Variants in TGM4 observed in about 807,000 individuals in gnomAD.
TGM4 encodes protein-glutamine gamma-glutamyltransferase 4.
In TGM4, 61 loss-of-function variants were observed where a neutral mutation model predicts 76.3. The observed-to-expected ratio is 0.80, with a 90% confidence interval of 0.65 to 0.99. The LOEUF (loss-of-function observed/expected upper bound fraction) is 0.99, where lower values mean the gene tolerates loss of function less well. TGM4 is among the 50% of genes least tolerant of loss of function. The pLI, the probability that TGM4 is intolerant of heterozygous loss-of-function variation, is 0.00. For synonymous variants in TGM4, 337 were observed against 329.8 expected (o/e 1.02, Z -0.24); for missense variants, 794 against 843.2 (o/e 0.94, Z 0.72).
chr3:44,910,012 C>T, intron 10 of TGM4, 78 bp from the exon 11 acceptor site: 1 of 1,538,318 alleles, frequency 6.5e-7, no homozygotes, highest in Non-Finnish European at 8.8e-7. Flanking sequence ...CAGATGGTCT[C>T]CTTCTGCCAC....
intron 1 of TGM4, among the ~76,000 whole-genome samples, chr3:44,881,172 C>T (rs1047910121): frequency 1.3e-5 from 2 of 152,018 alleles, no homozygotes; most frequent in East Asian, 3.9e-4. Context: ...CCACGGCACT[C>T]CAGCCTGGGT....
At chr3:44,876,961 T>C (rs1031274474) in intron 1 of TGM4, among the ~76,000 whole-genome samples, 1 of 152,078 alleles carries the variant, frequency 6.6e-6, no homozygotes, top group African/African-American at 2.4e-5. Context: ...AATTGTAATA[T>C]ATGAAAAGAT....
Position 44,901,930 on chromosome 3 carries a change from TG to T in TGM4, c.971+1del. 1 of 1,613,866 alleles carries T rather than the reference TG, an allele frequency of 6.2e-7. No individual in the cohort carries two copies. ...CACCAGTATGACCCACGACTCTGTC[TG>T]GTAGGGTTCCTCCTTCTCAACCTGC... ...KITSMTHDSVWNFHVWTDAWM... is the reference protein window; with the variant it reads ...KITSMTHDSVXNFHVWTDAWM... On this transcript the variant is annotated frameshift_variant and splice_region_variant, in exon 8 of 14. Coordinates refer to ENST00000296125, the MANE Select transcript of TGM4 (RefSeq NM_003241.4). LOFTEE classifies it high-confidence loss of function.
rs990318302 is a variant in TGM4 at position 44,896,958 on chromosome 3, A to C, written c.657+142A>C. On this transcript the variant is annotated intron_variant, in intron 6 of 13. Coordinates refer to ENST00000296125, the MANE Select transcript of TGM4 (RefSeq NM_003241.4). ...ATCAATTGTTCAAAACTATTAAGAA[A>C]TAGACATTGCTGAAATCTGTTCTGA... 39 of 590,280 alleles carry C rather than the reference A, an allele frequency of 6.6e-5. 1 individual carries two copies. Among genetic ancestry groups the C allele is most frequent in the African/African-American group, 6.5e-4 (35 of 54,136 alleles). 36.6% of individuals were successfully genotyped at this position (590,280 alleles called of 1,614,324 possible). A position where few individuals can be genotyped will look rare whatever the true frequency, so the allele number is the denominator to read the frequency against.
chr3:44,876,581 T>C (rs1283173025), intron 1 of TGM4: 2 of 152,178 alleles, frequency 1.3e-5, no homozygotes, highest in East Asian at 3.9e-4. Flanking sequence ...CAGATATCTA[T>C]CTCATGGCTT....
At chr3:44,911,427 C>G in intron 13 of TGM4, 21 bp downstream of exon 13, 1 of 1,613,024 alleles carries the variant, frequency 6.2e-7, no homozygotes, top group African/African-American at 1.3e-5. Context: ...CTGAGGTATT[C>G]TTAGAAATAT....
chr3:44,888,319 C>A (rs1360985463), intron 3 of TGM4: 2 of 156,686 alleles, frequency 1.3e-5, no homozygotes, highest in Non-Finnish European at 2.8e-5. Flanking sequence ...TGTAAAGAAC[C>A]ATGTCTCGGC....
chr3:44,909,682 C>G (rs4683010), intron 10 of TGM4, among the ~76,000 whole-genome samples: 85,254 of 151,976 alleles, frequency 0.56, 24,808 homozygotes, highest in East Asian at 0.89. Context: ...TGAGTCTACT[C>G]TGGAGCTGGA....
chr3:44,878,093 G>A (rs1223725919), intron 1 of TGM4, among the ~76,000 whole-genome samples: 3 of 152,072 alleles, frequency 2.0e-5, no homozygotes, highest in African/African-American at 7.3e-5. Flanking sequence ...CGAGGCTGCA[G>A]TGAGCTGTGA....
chr3:44,885,551 T>C (rs924152556), intron 2 of TGM4, 53 bp downstream of exon 2: 9 of 1,568,718 alleles, frequency 5.7e-6, no homozygotes, highest in Non-Finnish European at 7.8e-6. Flanking sequence ...CACAAGTGTC[T>C]GTGGATGCTG....
chr3:44,910,696 G>A (rs905769496), intron 11 of TGM4, among the ~76,000 whole-genome samples: 3 of 152,130 alleles, frequency 2.0e-5, no homozygotes, highest in African/African-American at 7.2e-5. Flanking sequence ...AGTACCCAAG[G>A]CACAGTGTTG....
chr3:44,880,515 T>C (rs1227210488), intron 1 of TGM4, among the ~76,000 whole-genome samples: 1 of 152,054 alleles, frequency 6.6e-6, no homozygotes, highest in African/African-American at 2.4e-5. Context: ...CAGGTGGCAG[T>C]AGACTCAGGC....
intron 1 of TGM4, 78 bp downstream of exon 1, chr3:44,874,775 G>A (rs533724893): frequency 4.3e-5 from 67 of 1,573,660 alleles, no homozygotes; most frequent in Non-Finnish European, 4.9e-5. Flanking sequence ...TGCCTCTGCC[G>A]GGTGCCTGGG....
chr3:44,897,154 G>T (rs139913243), intron 6 of TGM4, among the ~76,000 whole-genome samples: 3,231 of 152,082 alleles, frequency 0.021, 60 homozygotes, highest in Middle Eastern at 0.065. Context: ...ACAGGCACAT[G>T]CCACCACGCC....
rs1355575758 is a variant in TGM4, at chr3:44,893,571, C to CT, written c.431-4dup. 1 of 1,612,494 alleles carries CT rather than the reference C, an allele frequency of 6.2e-7. No homozygotes were observed. The highest frequency in any genetic ancestry group is 8.5e-7 in the Non-Finnish European group (1 of 1,178,774). Reference sequence around the variant, plus strand: ...TAACCTCTGTGGATGTGTGGTCTTGCTTCAGAGGACATGGTTTTCATGCCT... The same window carrying CT: ...TAACCTCTGTGGATGTGTGGTCTTGCTTTCAGAGGACATGGTTTTCATGCCT... On this transcript the variant is annotated splice_region_variant and splice_polypyrimidine_tract_variant and intron_variant, in intron 4 of 13. Coordinates refer to ENST00000296125, the MANE Select transcript of TGM4 (RefSeq NM_003241.4).
At position 44,904,001 on chromosome 3, in the gene TGM4, A is replaced by G. The variant is rs750579426; in HGVS notation, c.1075+14A>G. ...AGCGAAGCCAGGGTGAGTGGGTGGC[A>G]GGAAGGCGCTGGGCATCCATGCTGC... is the stretch of plus-strand genomic sequence containing the variant. On this transcript the variant is annotated intron_variant, in intron 9 of 13. Coordinates refer to ENST00000296125, the MANE Select transcript of TGM4 (RefSeq NM_003241.4). The G allele has an allele frequency of 2.5e-5, 40 of 1,610,740 alleles. No individual in the cohort carries two copies. Among genetic ancestry groups the G allele is most frequent in the Non-Finnish European group, 2.0e-5 (24 of 1,178,110 alleles).
In TGM4 at chr3:44,907,164, C is replaced by T. The variant is rs145801637; in HGVS notation, c.1291C>T (p.Arg431Trp). 6.8e-5 allele frequency: 110 copies of T among 1,613,966 alleles called. No individual in the cohort carries two copies. In the African/African-American group the frequency reaches 8.4e-4, roughly 12 times the overall value. ...CACCAAGGCAGTGGGCCAAGACAGG[C>T]GGAGAGATATCACCTATGAGTACAA... ...ISTKAVGQDRRRDITYEYKYP... is the reference protein window; with the variant it reads ...ISTKAVGQDRWRDITYEYKYP... The change falls in exon 10 of 14, where the codon CGG (arginine) becomes TGG (tryptophan). Residue 431 changes from arginine to tryptophan, a missense_variant. Transcript: ENST00000296125.
intron 8 of TGM4, 126 bp downstream of exon 8, chr3:44,902,057 T>TTG (rs1196651945): frequency 8.6e-7 from 1 of 1,159,640 alleles, no homozygotes; most frequent in African/African-American, 1.6e-5. Context: ...GCAGTCCTCC[T>TTG]GCCTTAGCCT....
chr3:44,884,346 C>G (rs1315113413), intron 1 of TGM4, among the ~76,000 whole-genome samples: 1 of 152,144 alleles, frequency 6.6e-6, no homozygotes, highest in Non-Finnish European at 1.5e-5. Context: ...GTTTGGGTCT[C>G]AAGCTGAGGT....
Sources: allele counts gnomAD v4.1 joint callset (sites outside exome capture counted in the v4.1 genomes callset), GRCh38; gene constraint gnomAD v4.1.1; transcripts MANE v1.5; gene names NCBI Gene and HGNC (gene_info 2026-07-23, HGNC 2026-07-21).